The following ADD3 variants were observed in gnomAD, a reference collection of about 807,000 sequenced individuals.
ADD3 encodes adducin 3, also known as gamma-adducin.
A neutral mutation model predicts 80.2 loss-of-function variants in ADD3; 25 were observed. The observed-to-expected ratio is 0.31, with a 90% CI of 0.23 to 0.44. ADD3 has a LOEUF of 0.44. ADD3 is among the 20% of genes least tolerant of loss of function. The pLI, the probability that ADD3 is intolerant of heterozygous loss-of-function variation, is 1.00. For synonymous variants in ADD3, 284 were observed against 289.6 expected, an observed-to-expected ratio of 0.98 and a Z score of 0.20; for missense variants, 829 against 847.5, an observed-to-expected ratio of 0.98 and a Z score of 0.27.
intron 1 of ADD3, chr10:110,076,885 A>G (rs1015886750): frequency 6.6e-6 from 1 of 152,192 alleles, no homozygotes; most frequent in African/African-American, 2.4e-5. Context: ...GGACTAATGA[A>G]TTAATTGTGA....
chr10:110,065,822 G>T (rs1182727387), intron 1 of ADD3, among the ~76,000 whole-genome samples: 7 of 151,752 alleles, frequency 4.6e-5, no homozygotes, highest in Admixed American at 4.6e-4. Flanking sequence ...TTACAGGTGT[G>T]AGCCACGGCG....
intron 3 of ADD3, among the ~76,000 whole-genome samples, chr10:110,113,964 G>C (rs1850366863): frequency 6.6e-6 from 1 of 152,224 alleles, no homozygotes; most frequent in Admixed American, 6.5e-5. Flanking sequence ...AGGAGTATGG[G>C]CTGACAAAAG....
chr10:110,098,467 T>G (rs1848428822), intron 1 of ADD3, among the ~76,000 whole-genome samples: 1 of 152,228 alleles, frequency 6.6e-6, no homozygotes, highest in South Asian at 2.1e-4. Context: ...TTTATCTTTC[T>G]GCAGTGCTGA....
intron 1 of ADD3, among the ~76,000 whole-genome samples, chr10:110,064,824 AT>A (rs904824269): frequency 9.2e-5 from 14 of 152,084 alleles, no homozygotes; most frequent in African/African-American, 2.9e-4. Flanking sequence ...TGTTATTGCT[AT>A]TTTTTTATAC....
intron 1 of ADD3, among the ~76,000 whole-genome samples, chr10:110,052,967 G>A (rs983898705): frequency 6.6e-6 from 1 of 152,136 alleles, no homozygotes; most frequent in African/African-American, 2.4e-5. Context: ...GCCTTGAAGA[G>A]TTTGTCCTGA....
At chr10:110,010,851 G>A (rs1415922161) in intron 1 of ADD3, among the ~76,000 whole-genome samples, 2 of 152,136 alleles carry the variant, frequency 1.3e-5, no homozygotes, top group Admixed American at 6.5e-5. Context: ...ACCAGTGAGA[G>A]GTCTTCATAG....
At chr10:110,057,170 T>C (rs1858299603) in intron 1 of ADD3, among the ~76,000 whole-genome samples, 1 of 152,170 alleles carries the variant, frequency 6.6e-6, no homozygotes, top group African/African-American at 2.4e-5. Context: ...ATCAACCCTT[T>C]CTCTACCCGA....
chr10:110,093,138 C>T (rs937180535), intron 1 of ADD3, among the ~76,000 whole-genome samples: 5 of 152,126 alleles, frequency 3.3e-5, no homozygotes, highest in African/African-American at 4.8e-5. Context: ...GTATTACCAG[C>T]GTGAGCCACC....
At chr10:110,029,475 T>C (rs376096751) in intron 1 of ADD3, among the ~76,000 whole-genome samples, 1 of 152,196 alleles carries the variant, frequency 6.6e-6, no homozygotes, top group African/African-American at 2.4e-5. Flanking sequence ...TAAGGAGAAG[T>C]CCTCCTATAC....
At chr10:110,113,918 T>C (rs1431862127) in intron 3 of ADD3, among the ~76,000 whole-genome samples, 2 of 152,236 alleles carry the variant, frequency 1.3e-5, no homozygotes, top group Non-Finnish European at 2.9e-5. Context: ...AGAGAAGTAG[T>C]ACTCAAAGCT....
chr10:110,119,248 A>AAG lies in ADD3; in HGVS notation c.758_759dup (p.Leu256PhefsTer49). On this transcript the variant is annotated frameshift_variant, in exon 7 of 15. Coordinates refer to ENST00000356080, the MANE Select transcript of ADD3 (RefSeq NM_016824.5). LOFTEE classifies it high-confidence loss of function. ...AAATGTGGGATCCTTCCAATTTCTC[A>AAG]AGAGTCTCTTCTTCTGGGAGATGTT... is the stretch of plus-strand genomic sequence containing the variant. 1.2e-6 allele frequency: 2 copies of AAG among 1,614,122 alleles called. No homozygotes were observed. Among genetic ancestry groups the AAG allele is most frequent in the Non-Finnish European group, 1.7e-6 (2 of 1,179,976 alleles).
chr10:110,085,515 G>A (rs983142060), intron 1 of ADD3, among the ~76,000 whole-genome samples: 1 of 152,172 alleles, frequency 6.6e-6, no homozygotes, highest in Admixed American at 6.5e-5. Flanking sequence ...CATAGGCAGA[G>A]TTTAGGGACA....
chr10:110,094,174 C>T (rs1847885760), intron 1 of ADD3, among the ~76,000 whole-genome samples: 2 of 152,122 alleles, frequency 1.3e-5, no homozygotes, highest in Admixed American at 6.5e-5. Flanking sequence ...CTGTTCCTCT[C>T]AGTGGATGGT....
intron 1 of ADD3, among the ~76,000 whole-genome samples, chr10:110,029,942 C>G (rs1468975791): frequency 1.3e-5 from 2 of 152,130 alleles, no homozygotes; most frequent in Non-Finnish European, 2.9e-5. Flanking sequence ...TTTAGTAACA[C>G]TCTTAAGGAG....
intron 14 of ADD3, 130 bp from the exon 15 acceptor site, chr10:110,133,196 A>C: frequency 1.1e-6 from 1 of 885,922 alleles, no homozygotes; most frequent in Non-Finnish European, 1.6e-6. Flanking sequence ...CAGTTTATTA[A>C]AATAATGATC....
At chr10:110,047,473 A>G (rs1857024615) in intron 1 of ADD3, among the ~76,000 whole-genome samples, 1 of 152,172 alleles carries the variant, frequency 6.6e-6, no homozygotes, top group Non-Finnish European at 1.5e-5. Flanking sequence ...TTCTCCAAAT[A>G]TATATATCGG....
chr10:110,010,107 T>A (rs891993506), intron 1 of ADD3, among the ~76,000 whole-genome samples: 1 of 152,160 alleles, frequency 6.6e-6, no homozygotes, highest in Non-Finnish European at 1.5e-5. Context: ...AAAGTGTAGA[T>A]CTGGCCTTTG....
At chr10:110,010,780 A>G (rs756489094) in intron 1 of ADD3, among the ~76,000 whole-genome samples, 1 of 152,180 alleles carries the variant, frequency 6.6e-6, no homozygotes, top group African/African-American at 2.4e-5. Context: ...AGTCTGGCCC[A>G]AGAGTGAGCC....
At chr10:110,059,075 G>A (rs144254647) in intron 1 of ADD3, among the ~76,000 whole-genome samples, 1 of 152,100 alleles carries the variant, frequency 6.6e-6, no homozygotes, top group African/African-American at 2.4e-5. Context: ...TAGGTGCCTT[G>A]TCTGTTAGCT....
Sources: allele counts gnomAD v4.1 joint callset (sites outside exome capture counted in the v4.1 genomes callset), GRCh38; gene constraint gnomAD v4.1.1; transcripts MANE v1.5; gene names NCBI Gene and HGNC (gene_info 2026-07-23, HGNC 2026-07-21).